DAPK2: variants seen among roughly 807,000 people sequenced by gnomAD.
DAPK2 encodes death associated protein kinase 2.
In DAPK2, 35 loss-of-function variants were observed where a neutral mutation model predicts 44.1. The ratio of observed to expected loss-of-function variants is 0.79; its 90% confidence interval spans 0.61 to 1.05. The LOEUF (loss-of-function observed/expected upper bound fraction) is 1.05, where lower values mean the gene tolerates loss of function less well. DAPK2 is among the 50% of genes least tolerant of loss of function. DAPK2 has a pLI of 0.00. For missense variants in DAPK2, 453 were observed against 483.2 expected, an observed-to-expected ratio of 0.94 and a Z score of 0.59; for synonymous variants, 174 against 182.6, an observed-to-expected ratio of 0.95 and a Z score of 0.38.
At chr15:63,994,195 C>T (rs2078887366) in intron 1 of DAPK2, among the ~76,000 whole-genome samples, 1 of 152,076 alleles carries the variant, frequency 6.6e-6, no homozygotes, top group South Asian at 2.1e-4. Context: ...ATCTTCATAA[C>T]TCTCACAGGG....
chr15:63,983,404 G>T (rs2078581070), intron 2 of DAPK2, 129 bp downstream of exon 3: 1 of 766,262 alleles, frequency 1.3e-6, no homozygotes. Flanking sequence ...GCCCACCACT[G>T]ACTTCACCTC....
At chr15:63,911,669 C>A (rs73450757) in intron 10 of DAPK2, 89 of 546,596 alleles carry the variant, frequency 1.6e-4, no homozygotes, top group African/African-American at 1.5e-3. Flanking sequence ...GATGGGAGAT[C>A]CTCCAGGAGT....
intron 1 of DAPK2, among the ~76,000 whole-genome samples, chr15:63,999,825 G>A (rs1470587042): frequency 6.6e-6 from 1 of 151,848 alleles, no homozygotes. Context: ...GAGTGCAGAG[G>A]CACAATTACA....
rs557559599 is a variant in DAPK2 at position 64,020,680 on chromosome 15, G to A, written c.92+19490C>T. Among the ~76,000 whole-genome samples, 32 of 152,306 alleles carry A rather than the reference G, an allele frequency of 2.1e-4. No homozygotes were observed. The highest frequency in any genetic ancestry group is 1.3e-4 in the Non-Finnish European group (9 of 68,022). ...AAATATTTATAGAAAGGAAATGTAG[G>A]AGAATCATGGAATGACGTCAGGGTA... On this transcript the variant is annotated intron_variant, in intron 1 of 10. Coordinates refer to ENST00000261891, the Ensembl canonical transcript of DAPK2. This position sits in a 1 kb window ranked among gnomAD's most constrained non-coding sequence, Gnocchi z 4.5.
intron 8 of DAPK2, chr15:63,922,540 C>A (rs985268105): frequency 5.1e-6 from 7 of 1,369,020 alleles, no homozygotes; most frequent in Non-Finnish European, 4.7e-6. Context: ...TCCCAGAAAA[C>A]CAGATTGGTG....
chr15:63,948,707 G>A (rs13329193), intron 3 of DAPK2, among the ~76,000 whole-genome samples: 12 of 152,138 alleles, frequency 7.9e-5, no homozygotes, highest in Admixed American at 3.9e-4. Context: ...CTCCACACAC[G>A]CAACCTAGAG....
intron 8 of DAPK2, chr15:63,922,391 G>A (rs959438864): frequency 1.6e-4 from 174 of 1,058,642 alleles, no homozygotes; most frequent in Non-Finnish European, 1.9e-4. Context: ...GGCAGAAAGT[G>A]AGATATGAAC....
At chr15:64,023,393 G>T (rs943544775) in intron 1 of DAPK2, among the ~76,000 whole-genome samples, 17 of 152,256 alleles carry the variant, frequency 1.1e-4, no homozygotes, top group Non-Finnish European at 2.4e-4. Context: ...GAATTGGCTT[G>T]TGGAGTCACT....
chr15:63,998,870 C>T (rs1018237863), intron 1 of DAPK2, among the ~76,000 whole-genome samples: 18 of 152,106 alleles, frequency 1.2e-4, no homozygotes, highest in African/African-American at 2.9e-4. Flanking sequence ...GAGCAAGCAC[C>T]GGGAACACAA....
chr15:63,963,744 T>C (rs1188824019), intron 3 of DAPK2, among the ~76,000 whole-genome samples: 1 of 152,218 alleles, frequency 6.6e-6, no homozygotes, highest in Admixed American at 6.5e-5. Flanking sequence ...GAGGTTACCA[T>C]GAGGCTTGCA....
At position 63,972,553 on chromosome 15, in the gene DAPK2, G is replaced by A. The variant is rs929215703; in HGVS notation, c.315-992C>T. On this transcript the variant is annotated intron_variant, in intron 2 of 10. Transcript: ENST00000261891. The stretch of plus-strand genomic sequence containing the variant: ...CATGTTACTGGTCTGGTCAATGGAG[G>A]AAAGGGCATCCTTGTTATAAAGTAG... 5.3e-5 allele frequency among the ~76,000 whole-genome samples: 8 copies of A among 152,294 alleles called. No individual in the cohort carries two copies. In the South Asian group the frequency reaches 6.2e-4, roughly 12 times the overall value.
chr15:63,974,946 C>T (rs2078303598), intron 2 of DAPK2, among the ~76,000 whole-genome samples: 1 of 152,166 alleles, frequency 6.6e-6, no homozygotes, highest in South Asian at 2.1e-4. Flanking sequence ...ATGCTGGTCA[C>T]TTGTGCCCGA....
chr15:63,926,252 G>A, intron 6 of DAPK2, 159 bp from the exon 8 acceptor site: 1 of 683,326 alleles, frequency 1.5e-6, no homozygotes, highest in Non-Finnish European at 2.4e-6. Context: ...AGCCTGTTCA[G>A]CTAAGTCCAA....
chr15:63,923,223 CAT>C lies in DAPK2; in HGVS notation c.858+1591_858+1592del. On this transcript the variant is annotated intron_variant, in intron 8 of 10. Coordinates refer to ENST00000261891, the Ensembl canonical transcript of DAPK2. This position sits in a 1 kb window ranked among gnomAD's most constrained non-coding sequence, Gnocchi z 4.2. ...ACACAGGCAAAACGCTCGAAGTTGA[CAT>C]AGGAGTTGTTGGGAGGCATGCTTGA... 6.5e-7 allele frequency: 1 copy of C among 1,535,900 alleles called. No homozygotes were observed. Among genetic ancestry groups the C allele is most frequent in the Non-Finnish European group, 8.7e-7 (1 of 1,146,742 alleles).
At chr15:64,025,746 T>G in intron 1 of DAPK2, among the ~76,000 whole-genome samples, 1 of 152,198 alleles carries the variant, frequency 6.6e-6, no homozygotes, top group Non-Finnish European at 1.5e-5. Flanking sequence ...GTTTTAAAGT[T>G]TTTAAATAAT....
At chr15:63,937,581 A>G (rs1028823048) in intron 4 of DAPK2, among the ~76,000 whole-genome samples, 29 of 151,592 alleles carry the variant, frequency 1.9e-4, no homozygotes, top group Admixed American at 8.5e-4. Flanking sequence ...CTCCCTCCCC[A>G]CCCCTCTTCA....
At chr15:63,948,861 T>C (rs914532144) in intron 3 of DAPK2, among the ~76,000 whole-genome samples, 2 of 152,190 alleles carry the variant, frequency 1.3e-5, no homozygotes, top group Admixed American at 1.3e-4. Context: ...TTCTGACCCC[T>C]GTAAAACTGA....
rs1306791727 is a variant in DAPK2 at position 63,923,362 on chromosome 15, G to A, written c.858+1454C>T. 7 of 1,529,522 alleles carry A rather than the reference G, an allele frequency of 4.6e-6. No individual in the cohort carries two copies. The highest frequency in any genetic ancestry group is 3.5e-6 in the Non-Finnish European group (4 of 1,142,126). The allele number at this position is 1,529,522 out of a possible 1,614,324, so 94.7% of individuals were successfully genotyped here. A position where few individuals can be genotyped will look rare whatever the true frequency, so the allele number is the denominator to read the frequency against. The stretch of plus-strand genomic sequence containing the variant: ...CTTTTGACTGGTGGGTGTTCAGACA[G>A]AAGAATCAGAGTGTTAATTTGCCGC... On this transcript the variant is annotated intron_variant, in intron 8 of 10. Transcript: ENST00000261891. The surrounding 1 kb of genome is among the most constrained non-coding windows in gnomAD (Gnocchi z 4.2).
In DAPK2 at chr15:63,995,191, T is replaced by A. The variant is rs28655241; in HGVS notation, c.93-11437A>T. Among the ~76,000 whole-genome samples, 700 of 152,236 alleles carry A rather than the reference T, an allele frequency of 4.6e-3. 7 individuals are homozygous for A. Among genetic ancestry groups the A allele is most frequent in the African/African-American group, 0.016 (657 of 41,532 alleles). ...CATCCCTGGTTGTTGTTGTTGTTGT[T>A]TTCTTTTTGAGACAGGGTCTCACTC... On this transcript the variant is annotated intron_variant, in intron 1 of 10. Transcript: ENST00000261891.
Sources: allele counts gnomAD v4.1 joint callset (sites outside exome capture counted in the v4.1 genomes callset), GRCh38; gene constraint gnomAD v4.1.1; non-coding constraint Gnocchi (gnomAD v3.1); transcripts MANE v1.5; gene names NCBI Gene and HGNC (gene_info 2026-07-23, HGNC 2026-07-21).